SRGAP2: variants seen among roughly 807,000 people sequenced by gnomAD.
SRGAP2 encodes SLIT-ROBO Rho GTPase activating protein 2.
A neutral mutation model predicts 57.2 loss-of-function variants in SRGAP2; 15 were observed. That is an observed-to-expected ratio of 0.26 (90% CI 0.18 to 0.40). SRGAP2 has a LOEUF of 0.40. Among genes scored for constraint, SRGAP2 ranks in the 10% least tolerant of loss-of-function variants. SRGAP2 has a pLI of 1.00. For synonymous variants in SRGAP2, 249 were observed against 248.0 expected, an observed-to-expected ratio of 1.00 and a Z score of -0.04; for missense variants, 520 against 669.6, an observed-to-expected ratio of 0.78 and a Z score of 2.47.
At chr1:206,425,363 A>G (rs956203264) in intron 13 of SRGAP2, among the ~76,000 whole-genome samples, 3 of 152,160 alleles carry the variant, frequency 2.0e-5, no homozygotes, top group Admixed American at 6.5e-5. Context: ...CATATGTATC[A>G]TTTTTTGGTG....
chr1:206,366,507 G>A (rs2103008771), intron 4 of SRGAP2, among the ~76,000 whole-genome samples: 1 of 152,030 alleles, frequency 6.6e-6, no homozygotes, highest in Admixed American at 6.5e-5. Flanking sequence ...GATTTGGGGG[G>A]TGGGGACGAT....
intron 11 of SRGAP2, among the ~76,000 whole-genome samples, chr1:206,418,504 T>G (rs1373841648): frequency 6.6e-6 from 1 of 152,212 alleles, no homozygotes; most frequent in Non-Finnish European, 1.5e-5. Context: ...CCTGCTAGGG[T>G]TTGCCCCTGG....
intron 18 of SRGAP2, among the ~76,000 whole-genome samples, chr1:206,449,815 A>G (rs1430604749): frequency 2.0e-5 from 3 of 152,192 alleles, no homozygotes; most frequent in African/African-American, 7.2e-5. Context: ...AGCAAGTACT[A>G]TTTATTAAAC....
chr1:206,442,914 T>C (rs1662437127), intron 17 of SRGAP2, among the ~76,000 whole-genome samples: 1 of 152,148 alleles, frequency 6.6e-6, no homozygotes, highest in Non-Finnish European at 1.5e-5. Flanking sequence ...GTCCTGGATG[T>C]ATGTGTACTT....
intron 4 of SRGAP2, among the ~76,000 whole-genome samples, chr1:206,360,679 C>G (rs1327064785): frequency 4.6e-5 from 7 of 152,172 alleles, no homozygotes; most frequent in Non-Finnish European, 1.0e-4. Context: ...AAGATGACCC[C>G]AAGCATTCTG....
At chr1:206,309,574 A>G (rs1383731517) in intron 3 of SRGAP2, among the ~76,000 whole-genome samples, 8 of 151,544 alleles carry the variant, frequency 5.3e-5, no homozygotes, top group African/African-American at 1.7e-4. Context: ...GCATAGAACC[A>G]TAATGGTCAG....
At chr1:206,295,435 G>C (rs1671537700) in intron 2 of SRGAP2, among the ~76,000 whole-genome samples, 1 of 151,720 alleles carries the variant, frequency 6.6e-6, no homozygotes, top group East Asian at 1.9e-4. Context: ...ATGTTGGCCA[G>C]GCTAGTCTCA....
intron 2 of SRGAP2, among the ~76,000 whole-genome samples, chr1:206,300,706 T>TG (rs1671825926): frequency 1.8e-5 from 2 of 112,744 alleles, no homozygotes; most frequent in Admixed American, 1.9e-4. Context: ...TGGATGTGCT[T>TG]GGGGGTTTCT....
intron 3 of SRGAP2, among the ~76,000 whole-genome samples, chr1:206,312,765 C>T (rs201728276): frequency 0.019 from 2,858 of 149,774 alleles, 96 homozygotes; most frequent in African/African-American, 0.068. Flanking sequence ...CTGGTTTGAT[C>T]AAGAGCAGTG....
chr1:206,378,282 C>T (rs1334754148), intron 4 of SRGAP2, among the ~76,000 whole-genome samples: 27 of 151,974 alleles, frequency 1.8e-4, no homozygotes, highest in African/African-American at 6.3e-4. Flanking sequence ...GAGTTTGAGA[C>T]CAGCCTGAGC....
intron 7 of SRGAP2, among the ~76,000 whole-genome samples, chr1:206,401,090 C>A (rs1159011790): frequency 6.6e-6 from 1 of 151,890 alleles, no homozygotes. Context: ...ATGACAACCC[C>A]AGATAAACCT....
At chr1:206,239,230 A>G (rs2102542157) in intron 2 of SRGAP2, among the ~76,000 whole-genome samples, 1 of 147,308 alleles carries the variant, frequency 6.8e-6, no homozygotes, top group African/African-American at 2.5e-5. Flanking sequence ...CAATCAAACA[A>G]ACAAAATGCC....
intron 7 of SRGAP2, among the ~76,000 whole-genome samples, chr1:206,401,157 G>A (rs567402320): frequency 3.9e-5 from 6 of 152,264 alleles, no homozygotes; most frequent in African/African-American, 9.6e-5. Context: ...ATGAAGTAGC[G>A]CTTAATTAAA....
rs181713665 is a variant in SRGAP2 at position 206,237,126 on chromosome 1, G to A, written c.67+31089G>A. ...AAAAATACAAAAATTAGCTAGGTGG[G>A]TGGCAGGTGCCCGTAATCCCAGCTA... On this transcript the variant is annotated intron_variant, in intron 2 of 22. Transcript: ENST00000573034. Among the ~76,000 whole-genome samples the A allele has an allele frequency of 5.7e-3, 860 of 151,760 alleles. 14 individuals carry two copies. Among genetic ancestry groups the A allele is most frequent in the African/African-American group, 0.02 (826 of 41,266 alleles).
chr1:206,291,506 C>G (rs1338433183), intron 2 of SRGAP2, among the ~76,000 whole-genome samples: 3 of 152,026 alleles, frequency 2.0e-5, no homozygotes, highest in Non-Finnish European at 2.9e-5. Flanking sequence ...TTCAGGGAGA[C>G]ACAGGTACCA....
In SRGAP2 at chr1:206,303,579, G is replaced by A. The variant is rs1671996586; in HGVS notation, c.260+106G>A. 5.9e-6 allele frequency: 4 copies of A among 680,750 alleles called. No homozygotes were observed. In the South Asian group the frequency reaches 9.6e-5, roughly 16 times the overall value. The allele number at this position is 680,750 out of a possible 1,614,324, so 42.2% of individuals were successfully genotyped here. On this transcript the variant is annotated intron_variant, in intron 3 of 22. Transcript: ENST00000573034. ...ATCCAGCTGAATTCAGGAGCCCCTG[G>A]CTTCAGATTGGTTGAAAGCCCTCAA...
Position 206,454,990 on chromosome 1 carries a change from C to T in SRGAP2, c.2473C>T (p.His825Tyr), listed in dbSNP as rs1553377858. The change falls in exon 21 of 23, where the codon CAT becomes TAT. Residue 825 changes from histidine to tyrosine, a missense_variant. Physicochemically the swap from His to Tyr is moderately conservative, Grantham distance 83 (BLOSUM62 2). This residue lies in a region of SRGAP2 where 478 missense variants were observed against 373.6 expected (regional missense o/e 1.28). Transcript: ENST00000573034. The surrounding 1 kb of genome is among the most constrained non-coding windows in gnomAD (Gnocchi z 4.3). Reference protein sequence around the residue: ...RAGASCPSGGHVADIYLANIN... With the variant: ...RAGASCPSGGYVADIYLANIN... ...GGGGGCCAGCTGTCCCAGTGGGGGT[C>T]ATGTAGCCGATATTTATCTTGCAAA... The T allele has an allele frequency of 1.3e-6, 1 of 780,904 alleles. No individual in the cohort carries two copies. 48.4% of individuals were successfully genotyped at this position (780,904 alleles called of 1,614,324 possible).
chr1:206,410,803 T>A (rs1659152893), intron 10 of SRGAP2, among the ~76,000 whole-genome samples: 1 of 152,242 alleles, frequency 6.6e-6, no homozygotes, highest in African/African-American at 2.4e-5. Flanking sequence ...TAGGCAGTGA[T>A]GCTCGCTGTT....
chr1:206,248,924 T>G (rs1156433388), intron 2 of SRGAP2, among the ~76,000 whole-genome samples: 3 of 151,226 alleles, frequency 2.0e-5, no homozygotes, highest in African/African-American at 7.3e-5. Context: ...CTACTCTCAA[T>G]ATAACAGCTA....
Sources: gnomAD v4.1 joint callset for allele counts (sites outside exome capture counted in the v4.1 genomes callset) on GRCh38, gnomAD v4.1.1 for gene constraint, gnomAD v4.1.1 regional missense constraint, Gnocchi (gnomAD v3.1) non-coding constraint, MANE v1.5 for transcripts, NCBI Gene and HGNC (gene_info 2026-07-23, HGNC 2026-07-21) for gene names.